Variants in CACUL1 observed in about 807,000 individuals in gnomAD.
CACUL1 encodes the protein CDK2-associated and cullin domain-containing protein 1.
CACUL1 carries 13 observed loss-of-function variants against 45.2 expected under a neutral mutation model. That is an observed-to-expected ratio of 0.29 (90% CI 0.19 to 0.46). CACUL1 has a LOEUF of 0.46. Among genes scored for constraint, CACUL1 ranks in the 20% least tolerant of loss-of-function variants. The pLI is 1.00. For missense variants in CACUL1, 421 were observed against 471.4 expected, an observed-to-expected ratio of 0.89 and a Z score of 0.99; for synonymous variants, 197 against 174.2, an observed-to-expected ratio of 1.13 and a Z score of -1.03.
intron 5 of CACUL1, among the ~76,000 whole-genome samples, chr10:118,696,129 T>C (rs1845319577): frequency 6.6e-6 from 1 of 152,188 alleles, no homozygotes; most frequent in African/African-American, 2.4e-5. Context: ...TATGTTTGAA[T>C]ATATATGATG....
At chr10:118,717,177 C>T (rs1449624510) in intron 3 of CACUL1, among the ~76,000 whole-genome samples, 1 of 152,178 alleles carries the variant, frequency 6.6e-6, no homozygotes, top group Non-Finnish European at 1.5e-5. Context: ...CACCTTAAGC[C>T]TCTTCCAAGA....
intron 3 of CACUL1, among the ~76,000 whole-genome samples, chr10:118,710,460 C>T (rs1214811560): frequency 6.6e-6 from 1 of 152,166 alleles, no homozygotes; most frequent in Non-Finnish European, 1.5e-5. Flanking sequence ...CTGTCTACAC[C>T]TCTGGTTGCA....
In CACUL1 at chr10:118,680,555, A is replaced by C. The variant is rs919101328; in HGVS notation, c.*5573T>G. 6.6e-6 allele frequency: 1 copy of C among 152,236 alleles called. No homozygotes were observed. The highest frequency in any genetic ancestry group is 2.4e-5 in the African/African-American group (1 of 41,460). The allele number at this position is 152,236 out of a possible 1,614,324, so 9.4% of individuals were successfully genotyped here. On this transcript the variant is annotated 3_prime_UTR_variant, in exon 9 of 9. Transcript: ENST00000369151. ...TACAAATAACCTAGGGGATGACACT[A>C]ATTTCATAGCAAGAAAACACAAAGG... is the stretch of plus-strand genomic sequence containing the variant.
At chr10:118,750,340 G>T (rs1440516265) in intron 1 of CACUL1, among the ~76,000 whole-genome samples, 2 of 151,870 alleles carry the variant, frequency 1.3e-5, no homozygotes, top group East Asian at 3.9e-4. Flanking sequence ...AAAAAGGAAT[G>T]GTGATAATTA....
chr10:118,688,555 C>A (rs1201962940), intron 7 of CACUL1, among the ~76,000 whole-genome samples: 1 of 152,182 alleles, frequency 6.6e-6, no homozygotes, highest in Non-Finnish European at 1.5e-5. Context: ...CAAGAGGCTG[C>A]TGAAGAGATT....
intron 1 of CACUL1, among the ~76,000 whole-genome samples, chr10:118,754,048 G>C (rs969218664): frequency 2.0e-5 from 3 of 152,216 alleles, no homozygotes; most frequent in African/African-American, 7.2e-5. Context: ...CTCACTTTGA[G>C]GGTGAAACTT....
At chr10:118,698,692 A>C (rs1296804105) in intron 5 of CACUL1, among the ~76,000 whole-genome samples, 1 of 152,234 alleles carries the variant, frequency 6.6e-6, no homozygotes, top group Non-Finnish European at 1.5e-5. Context: ...CCCCCAGCTG[A>C]GCCACATCAG....
chr10:118,677,765 T>A lies in CACUL1; in HGVS notation c.*8363A>T, dbSNP rs566765871. ...ATTCACTGTATGCTAGATGGGCATT[T>A]GGCTCCCTCCTTCATTCCTTTTAAT... On this transcript the variant is annotated 3_prime_UTR_variant, in exon 9 of 9. Transcript: ENST00000369151. 1.3e-5 allele frequency: 2 copies of A among 152,218 alleles called. No homozygotes were observed. Among genetic ancestry groups the A allele is most frequent in the Non-Finnish European group, 2.9e-5 (2 of 68,036 alleles). The allele number at this position is 152,218 out of a possible 1,614,324, so 9.4% of individuals were successfully genotyped here. A position where few individuals can be genotyped will look rare whatever the true frequency, so the allele number is the denominator to read the frequency against.
intron 2 of CACUL1, 70 bp from the exon 3 acceptor site, chr10:118,729,467 G>T: frequency 9.4e-7 from 1 of 1,062,430 alleles, no homozygotes; most frequent in Non-Finnish European, 1.4e-6. Flanking sequence ...CAAGGTTAAA[G>T]CACACTTTTG....
intron 1 of CACUL1, among the ~76,000 whole-genome samples, chr10:118,739,696 T>A (rs956217106): frequency 6.6e-6 from 1 of 152,194 alleles, no homozygotes; most frequent in Non-Finnish European, 1.5e-5. Flanking sequence ...ATCTGGGAAG[T>A]CCCTGAGTGG....
chr10:118,706,697 G>A (rs557837076), intron 4 of CACUL1, among the ~76,000 whole-genome samples: 13 of 152,264 alleles, frequency 8.5e-5, no homozygotes, highest in East Asian at 3.9e-4. Context: ...TAGAAAACTC[G>A]TACTATTAAA....
chr10:118,719,388 G>GTAA (rs1408654936), intron 3 of CACUL1, among the ~76,000 whole-genome samples: 1 of 152,072 alleles, frequency 6.6e-6, no homozygotes, highest in Non-Finnish European at 1.5e-5. Flanking sequence ...CTACTAATGG[G>GTAA]TAATAAGCTT....
chr10:118,689,431 T>C (rs1845240361), intron 7 of CACUL1, among the ~76,000 whole-genome samples: 1 of 152,228 alleles, frequency 6.6e-6, no homozygotes, highest in African/African-American at 2.4e-5. Flanking sequence ...AATGGTCTAA[T>C]TAAGTTTGTA....
intron 1 of CACUL1, among the ~76,000 whole-genome samples, chr10:118,743,744 A>C (rs2119672642): frequency 6.6e-6 from 1 of 152,246 alleles, no homozygotes; most frequent in East Asian, 1.9e-4. Flanking sequence ...AAAAGGAAAA[A>C]AGAAACAATG....
At chr10:118,707,866 G>A (rs1342725021) in intron 3 of CACUL1, among the ~76,000 whole-genome samples, 1 of 152,132 alleles carries the variant, frequency 6.6e-6, no homozygotes, top group Non-Finnish European at 1.5e-5. Context: ...GGTGCACTAA[G>A]GCTGGGCGTG....
At chr10:118,712,958 G>A (rs895679470) in intron 3 of CACUL1, among the ~76,000 whole-genome samples, 1 of 152,226 alleles carries the variant, frequency 6.6e-6, no homozygotes, top group African/African-American at 2.4e-5. Context: ...TGAAGGTGGA[G>A]GCCTCACTGG....
chr10:118,749,020 A>C (rs948851173), intron 1 of CACUL1, among the ~76,000 whole-genome samples: 4 of 152,210 alleles, frequency 2.6e-5, no homozygotes, highest in African/African-American at 4.8e-5. Flanking sequence ...GAGTCCAGAC[A>C]TATGAAGAAA....
At chr10:118,723,459 C>G (rs961266015) in intron 3 of CACUL1, among the ~76,000 whole-genome samples, 1 of 152,168 alleles carries the variant, frequency 6.6e-6, no homozygotes, top group African/African-American at 2.4e-5. Context: ...TCCACACTTG[C>G]ATATTTTCCC....
intron 6 of CACUL1, chr10:118,691,609 T>G (rs990602249): frequency 2.2e-6 from 1 of 453,540 alleles, no homozygotes; most frequent in Non-Finnish European, 4.0e-6. Flanking sequence ...GGCTCACACC[T>G]GTAATCCTAG....
Sources: gnomAD v4.1 joint callset for allele counts (sites outside exome capture counted in the v4.1 genomes callset) on GRCh38, gnomAD v4.1.1 for gene constraint, MANE v1.5 for transcripts, NCBI Gene and HGNC (gene_info 2026-07-23, HGNC 2026-07-21) for gene names.